ZEB1: variants seen among roughly 807,000 people sequenced by gnomAD.
ZEB1 encodes the protein zinc finger E-box binding homeobox 1.
Under a neutral mutation model 84.9 loss-of-function variants are expected in ZEB1, and 21 were observed. The ratio of observed to expected loss-of-function variants is 0.25; its 90% confidence interval spans 0.18 to 0.36. The LOEUF (loss-of-function observed/expected upper bound fraction) is 0.36, where lower values mean the gene tolerates loss of function less well. ZEB1 is among the 10% of genes least tolerant of loss of function. The pLI is 1.00. For missense variants in ZEB1, 1,104 were observed against 1,330.2 expected (o/e 0.83, Z 2.65); for synonymous variants, 420 against 471.1 (o/e 0.89, Z 1.41).
intron 1 of ZEB1, chr10:31,360,921 TAATAAA>T: frequency 6.5e-7 from 1 of 1,536,362 alleles, no homozygotes; most frequent in East Asian, 2.2e-5. Context: ...ATGGATGCTC[TAATAAA>T]TTGCATGTCT....
chr10:31,512,264 G>T (rs964511454), intron 5 of ZEB1, among the ~76,000 whole-genome samples: 1 of 152,206 alleles, frequency 6.6e-6, no homozygotes, highest in Non-Finnish European at 1.5e-5. Flanking sequence ...CGTGAAAGGA[G>T]AGGACAGATT....
intron 1 of ZEB1, among the ~76,000 whole-genome samples, chr10:31,355,543 G>A (rs778504569): frequency 9.2e-5 from 14 of 152,048 alleles, no homozygotes; most frequent in Non-Finnish European, 1.5e-4. Context: ...TATAACAGGC[G>A]GACTTAACCT....
At chr10:31,440,286 A>C (rs2058766826) in intron 1 of ZEB1, among the ~76,000 whole-genome samples, 1 of 152,208 alleles carries the variant, frequency 6.6e-6, no homozygotes, top group African/African-American at 2.4e-5. Flanking sequence ...CCAAGTGGTG[A>C]TATCACCAAA....
chr10:31,497,296 A>G (rs1427095717), intron 3 of ZEB1, among the ~76,000 whole-genome samples: 2 of 152,138 alleles, frequency 1.3e-5, no homozygotes, highest in Non-Finnish European at 2.9e-5. Flanking sequence ...ACAGTATTTT[A>G]TCTGTCATGC....
At chr10:31,424,888 T>A (rs1302899523) in intron 1 of ZEB1, among the ~76,000 whole-genome samples, 1 of 152,040 alleles carries the variant, frequency 6.6e-6, no homozygotes, top group Non-Finnish European at 1.5e-5. Flanking sequence ...TTAATAAGAA[T>A]AACCTTGGTA....
At chr10:31,400,970 A>G (rs2135481841) in intron 1 of ZEB1, among the ~76,000 whole-genome samples, 1 of 152,320 alleles carries the variant, frequency 6.6e-6, no homozygotes, top group African/African-American at 2.4e-5. Context: ...TTAAATGACT[A>G]ATAATAGACC....
intron 1 of ZEB1, among the ~76,000 whole-genome samples, chr10:31,329,891 ATTGT>A (rs961878252): frequency 4.0e-5 from 6 of 151,866 alleles, no homozygotes; most frequent in Non-Finnish European, 8.8e-5. Flanking sequence ...TTTTAATTGG[ATTGT>A]TTGTCTTTTT....
intron 2 of ZEB1, among the ~76,000 whole-genome samples, chr10:31,476,733 G>T (rs1233265067): frequency 6.6e-6 from 1 of 151,892 alleles, no homozygotes; most frequent in African/African-American, 2.4e-5. Flanking sequence ...TTTATTTCAG[G>T]GATGCAAAGA....
intron 2 of ZEB1, among the ~76,000 whole-genome samples, chr10:31,467,247 C>G (rs773442044): frequency 4.6e-5 from 7 of 152,108 alleles, no homozygotes; most frequent in Admixed American, 1.3e-4. Context: ...GCCTGGAGAC[C>G]ATACAGAGGC....
intron 1 of ZEB1, among the ~76,000 whole-genome samples, chr10:31,331,592 GA>G (rs1209948958): frequency 6.6e-6 from 1 of 152,182 alleles, no homozygotes; most frequent in African/African-American, 2.4e-5. Flanking sequence ...AATGAGGAAA[GA>G]AACCTTTAGA....
chr10:31,510,432 G>A (rs1360817800), intron 4 of ZEB1, among the ~76,000 whole-genome samples: 2 of 152,108 alleles, frequency 1.3e-5, no homozygotes, highest in South Asian at 2.1e-4. Context: ...CAGACAGCCC[G>A]TATTTGAACC....
At chr10:31,524,442 C>G (rs1475078857) in intron 8 of ZEB1, among the ~76,000 whole-genome samples, 2 of 151,884 alleles carry the variant, frequency 1.3e-5, no homozygotes, top group African/African-American at 4.8e-5. Flanking sequence ...CTAATGAGCT[C>G]GAGCCATCTA....
At chr10:31,449,727 A>G (rs542162937) in intron 1 of ZEB1, among the ~76,000 whole-genome samples, 1 of 152,232 alleles carries the variant, frequency 6.6e-6, no homozygotes, top group Admixed American at 6.5e-5. Flanking sequence ...TGGTATATCT[A>G]GTTTATGTTC....
intron 1 of ZEB1, among the ~76,000 whole-genome samples, chr10:31,370,527 T>G (rs934677760): frequency 1.1e-4 from 16 of 152,180 alleles, no homozygotes; most frequent in Non-Finnish European, 2.1e-4. Context: ...GGAAATAAGG[T>G]TGAATGTATG....
intron 1 of ZEB1, among the ~76,000 whole-genome samples, chr10:31,331,570 G>A (rs2036802258): frequency 6.6e-6 from 1 of 152,162 alleles, no homozygotes; most frequent in Admixed American, 6.5e-5. Flanking sequence ...TTATAGTGTG[G>A]TAGGGAAGAA....
At chr10:31,353,361 C>T (rs2041614124) in intron 1 of ZEB1, among the ~76,000 whole-genome samples, 2 of 152,186 alleles carry the variant, frequency 1.3e-5, no homozygotes, top group East Asian at 1.9e-4. Context: ...ATAACATTAA[C>T]ATAATTTATA....
At chr10:31,406,471 T>TA in intron 1 of ZEB1, among the ~76,000 whole-genome samples, 1 of 152,180 alleles carries the variant, frequency 6.6e-6, no homozygotes, top group South Asian at 2.1e-4. Context: ...TTTTCATATA[T>TA]TTTTTGGCCG....
At chr10:31,524,747 A>G (rs1312633629) in intron 8 of ZEB1, among the ~76,000 whole-genome samples, 1 of 149,436 alleles carries the variant, frequency 6.7e-6, no homozygotes, top group Non-Finnish European at 1.5e-5. Context: ...TTAATAAAAA[A>G]TATGAGACCA....
rs372420147 is a variant in ZEB1 at position 31,496,090 on chromosome 10, CA to C, written c.322+253del. On this transcript the variant is annotated intron_variant, in intron 3 of 8. Transcript: ENST00000424869. ...CTATAAGAATGACAAGTATAACCTACAGATAATCCAAAAAATAAGTGTTTGA... is the reference window on the plus strand; with the variant it reads ...CTATAAGAATGACAAGTATAACCTACGATAATCCAAAAAATAAGTGTTTGA... 5.9e-4 allele frequency among the ~76,000 whole-genome samples: 89 copies of C among 152,108 alleles called. 1 individual carries two copies. In the East Asian group the frequency reaches 6.8e-3, roughly 12 times the overall value.
Sources: allele counts gnomAD v4.1 joint callset (sites outside exome capture counted in the v4.1 genomes callset), GRCh38; gene constraint gnomAD v4.1.1; transcripts MANE v1.5; gene names NCBI Gene and HGNC (gene_info 2026-07-23, HGNC 2026-07-21).